Variants in C12orf54 observed in about 807,000 individuals in gnomAD.
The protein encoded by C12orf54 is uncharacterized protein C12orf54.
Under a neutral mutation model 26.4 loss-of-function variants are expected in C12orf54, and 24 were observed. The observed-to-expected ratio is 0.91, with a 90% CI of 0.66 to 1.28. The LOEUF is 1.28. Among genes scored for constraint, C12orf54 ranks in the 50% most tolerant of loss-of-function variants. C12orf54 has a pLI of 0.00. For missense variants in C12orf54, 154 were observed against 150.9 expected (o/e 1.02, Z -0.11); for synonymous variants, 54 against 47.0 (o/e 1.15, Z -0.61).
At chr12:48,453,840 C>T in the C12orf54 span, among the ~76,000 whole-genome samples, 5 of 151,560 alleles carry the variant, frequency 3.3e-5, no homozygotes, top group Admixed American at 3.3e-4. Flanking sequence ...TATCCATATA[C>T]ATGTAATCGT....
At chr12:48,433,179 G>T in the C12orf54 span, among the ~76,000 whole-genome samples, 1 of 152,184 alleles carries the variant, frequency 6.6e-6, no homozygotes, top group Admixed American at 6.5e-5. Context: ...GGCAACAGCA[G>T]ATCAGCCTTG....
upstream of C12orf54, among the ~76,000 whole-genome samples, chr12:48,481,996 C>G (rs1321739578): frequency 6.6e-6 from 1 of 152,178 alleles, no homozygotes; most frequent in African/African-American, 2.4e-5. Context: ...CACCTAATGC[C>G]TCTTCCCTAA....
At chr12:48,473,264 G>A in the C12orf54 span, 1 of 1,081,534 alleles carries the variant, frequency 9.2e-7, no homozygotes, top group Non-Finnish European at 1.4e-6. Flanking sequence ...AACGTGAAGA[G>A]GAGGACGTGA....
the C12orf54 span, among the ~76,000 whole-genome samples, chr12:48,425,329 C>T: frequency 6.6e-6 from 1 of 152,012 alleles, no homozygotes; most frequent in Non-Finnish European, 1.5e-5. Flanking sequence ...TGAAAACATG[C>T]AGTATTTGGT....
At chr12:48,452,709 T>C in the C12orf54 span, among the ~76,000 whole-genome samples, 1 of 151,858 alleles carries the variant, frequency 6.6e-6, no homozygotes, top group Non-Finnish European at 1.5e-5. Context: ...AACAAATACA[T>C]CTCAAAAGAA....
the C12orf54 span, among the ~76,000 whole-genome samples, chr12:48,439,719 G>C: frequency 6.6e-6 from 1 of 152,116 alleles, no homozygotes. Context: ...GACACAGGAA[G>C]GGGAACATCA....
the C12orf54 span, among the ~76,000 whole-genome samples, chr12:48,418,545 G>A: frequency 1.3e-5 from 2 of 152,170 alleles, no homozygotes; most frequent in Non-Finnish European, 2.9e-5. Flanking sequence ...GATGATATGA[G>A]TGGCATGAGA....
chr12:48,456,229 C>G, the C12orf54 span, among the ~76,000 whole-genome samples: 6 of 152,266 alleles, frequency 3.9e-5, no homozygotes, highest in African/African-American at 1.4e-4. Flanking sequence ...AGGAGAGAGT[C>G]TCTGCCTTTA....
chr12:48,444,169 A>G, the C12orf54 span, among the ~76,000 whole-genome samples: 1 of 152,236 alleles, frequency 6.6e-6, no homozygotes, highest in African/African-American at 2.4e-5. Flanking sequence ...ATTATTTCTG[A>G]AAACCTAAAT....
chr12:48,474,132 T>G, the C12orf54 span, among the ~76,000 whole-genome samples: 1 of 152,190 alleles, frequency 6.6e-6, no homozygotes, highest in Admixed American at 6.5e-5. Flanking sequence ...AACTTCAACT[T>G]CTTTACAAGA....
the C12orf54 span, among the ~76,000 whole-genome samples, chr12:48,429,147 C>T: frequency 1.3e-5 from 2 of 151,846 alleles, no homozygotes; most frequent in Admixed American, 6.6e-5. Flanking sequence ...TCAGCAAAAT[C>T]GGCATACAAG....
At chr12:48,453,144 A>C in the C12orf54 span, among the ~76,000 whole-genome samples, 5 of 152,226 alleles carry the variant, frequency 3.3e-5, no homozygotes, top group African/African-American at 1.2e-4. Flanking sequence ...ACATGATGGA[A>C]TACTATGCAG....
chr12:48,417,547 T>C, the C12orf54 span, among the ~76,000 whole-genome samples: 1 of 152,200 alleles, frequency 6.6e-6, no homozygotes, highest in Non-Finnish European at 1.5e-5. Flanking sequence ...TAGTCCAGTC[T>C]GATGCCATTA....
At chr12:48,451,133 C>T in the C12orf54 span, among the ~76,000 whole-genome samples, 36 of 152,240 alleles carry the variant, frequency 2.4e-4, 1 homozygote, top group South Asian at 4.2e-3. Flanking sequence ...AGTTTATCTG[C>T]CATAATCACG....
At chr12:48,466,038 G>T in the C12orf54 span, among the ~76,000 whole-genome samples, 1 of 152,112 alleles carries the variant, frequency 6.6e-6, no homozygotes, top group Non-Finnish European at 1.5e-5. Context: ...GATAGGCAAA[G>T]ATTTCTAAAA....
the C12orf54 span, among the ~76,000 whole-genome samples, chr12:48,429,747 A>C: frequency 6.6e-6 from 1 of 152,224 alleles, no homozygotes; most frequent in African/African-American, 2.4e-5. Context: ...TGCCAAAAGC[A>C]ATCTACAAAT....
chr12:48,475,514 T>A, the C12orf54 span, among the ~76,000 whole-genome samples: 4 of 151,960 alleles, frequency 2.6e-5, no homozygotes, highest in Non-Finnish European at 5.9e-5. Context: ...ATTAGATGAA[T>A]GGATAACTAG....
the C12orf54 span, among the ~76,000 whole-genome samples, chr12:48,437,367 T>C: frequency 1.3e-5 from 2 of 152,030 alleles, no homozygotes; most frequent in Non-Finnish European, 1.5e-5. Flanking sequence ...TTCCAATCAG[T>C]AGAAAAAGAG....
upstream of C12orf54, among the ~76,000 whole-genome samples, chr12:48,479,154 C>A (rs573237020): frequency 8.5e-5 from 13 of 152,304 alleles, no homozygotes; most frequent in South Asian, 2.1e-4. Flanking sequence ...AAATGTGGCA[C>A]ATATGCACCA....
Sources: allele counts gnomAD v4.1 joint callset (sites outside exome capture counted in the v4.1 genomes callset), GRCh38; gene constraint gnomAD v4.1.1; transcripts MANE v1.5; gene names NCBI Gene and HGNC (gene_info 2026-07-23, HGNC 2026-07-21).